Variants in CHST9 observed in about 807,000 individuals in gnomAD.
CHST9 encodes the protein GalNAc-4-sulfotransferase 2.
Under a neutral mutation model 44.4 loss-of-function variants are expected in CHST9, and 41 were observed. That is an observed-to-expected ratio of 0.92 (90% CI 0.72 to 1.20). The LOEUF (loss-of-function observed/expected upper bound fraction) is 1.20, where lower values mean the gene tolerates loss of function less well. Among genes scored for constraint, CHST9 ranks in the 50% most tolerant of loss-of-function variants. The pLI is 0.00. For missense variants in CHST9, 504 were observed against 516.5 expected (o/e 0.98, Z 0.23); for synonymous variants, 171 against 178.4 (o/e 0.96, Z 0.33).
At chr18:27,007,020 G>A (rs558573124) in intron 4 of CHST9, among the ~76,000 whole-genome samples, 30 of 152,250 alleles carry the variant, frequency 2.0e-4, no homozygotes, top group Middle Eastern at 3.4e-3. Context: ...TGGGCATTCC[G>A]TGGAGCTTAC....
At chr18:27,149,715 C>T (rs1363297424) in intron 1 of CHST9, among the ~76,000 whole-genome samples, 4 of 151,418 alleles carry the variant, frequency 2.6e-5, no homozygotes, top group African/African-American at 9.7e-5. Flanking sequence ...TAAAACATTC[C>T]TTTTTTCTTA....
At chr18:27,036,216 A>G (rs2057389203) in intron 3 of CHST9, among the ~76,000 whole-genome samples, 1 of 152,198 alleles carries the variant, frequency 6.6e-6, no homozygotes, top group Non-Finnish European at 1.5e-5. Context: ...CCGATGGGAC[A>G]TGGAAGAAGC....
chr18:26,941,979 T>C (rs933446886), intron 5 of CHST9, among the ~76,000 whole-genome samples: 9 of 152,172 alleles, frequency 5.9e-5, no homozygotes, highest in African/African-American at 2.2e-4. Flanking sequence ...AAAGACTCGA[T>C]TTTCAATTTC....
chr18:27,162,981 T>C (rs2058760319), intron 1 of CHST9, among the ~76,000 whole-genome samples: 2 of 152,150 alleles, frequency 1.3e-5, no homozygotes, highest in South Asian at 4.1e-4. Context: ...GACGTACAGA[T>C]GGGGTTTTGG....
chr18:26,964,142 C>T (rs28647464), intron 4 of CHST9, among the ~76,000 whole-genome samples: 44,033 of 152,038 alleles, frequency 0.29, 7,495 homozygotes, highest in African/African-American at 0.48. Flanking sequence ...CATTTATTAA[C>T]GTTCTAATGC....
chr18:26,975,118 A>G (rs1193346071), intron 4 of CHST9, among the ~76,000 whole-genome samples: 2 of 152,016 alleles, frequency 1.3e-5, no homozygotes, highest in Non-Finnish European at 2.9e-5. Flanking sequence ...TGCTAACCTT[A>G]CTTTGTTGTT....
chr18:27,128,828 A>C (rs2143829763), intron 2 of CHST9, among the ~76,000 whole-genome samples: 1 of 152,322 alleles, frequency 6.6e-6, no homozygotes, highest in East Asian at 1.9e-4. Flanking sequence ...AATGCTCACA[A>C]ATGGACCTAG....
intron 2 of CHST9, among the ~76,000 whole-genome samples, chr18:27,097,292 T>G (rs1016446926): frequency 6.6e-6 from 1 of 152,134 alleles, no homozygotes; most frequent in African/African-American, 2.4e-5. Context: ...AGCATCATAC[T>G]GAATGTGCAA....
intron 2 of CHST9, among the ~76,000 whole-genome samples, chr18:27,122,762 G>A (rs759810321): frequency 4.6e-5 from 7 of 152,184 alleles, no homozygotes; most frequent in Non-Finnish European, 8.8e-5. Flanking sequence ...TACTAAAAAT[G>A]TGCAGGAGTG....
At chr18:27,166,730 T>A (rs1296866126) in intron 1 of CHST9, among the ~76,000 whole-genome samples, 1 of 152,180 alleles carries the variant, frequency 6.6e-6, no homozygotes, top group East Asian at 1.9e-4. Context: ...GAGGAAAAAA[T>A]TTTCCCTCTA....
intron 4 of CHST9, among the ~76,000 whole-genome samples, chr18:26,958,455 C>A (rs2056356149): frequency 7.0e-6 from 1 of 142,258 alleles, no homozygotes; most frequent in African/African-American, 2.9e-5. Flanking sequence ...TCAAAAGTAA[C>A]TGCAAAAAAA....
chr18:26,963,760 T>A (rs1167552270), intron 4 of CHST9, among the ~76,000 whole-genome samples: 2 of 152,242 alleles, frequency 1.3e-5, no homozygotes, highest in East Asian at 3.9e-4. Flanking sequence ...CAATTCAATT[T>A]CCTTAGCATC....
At chr18:26,938,937 G>A (rs1387184699) in intron 5 of CHST9, among the ~76,000 whole-genome samples, 1 of 152,160 alleles carries the variant, frequency 6.6e-6, no homozygotes, top group Non-Finnish European at 1.5e-5. Flanking sequence ...TGTATAGGGA[G>A]TAGACTCTAA....
In CHST9 at chr18:27,019,608, C is replaced by A. The variant is rs557032846; in HGVS notation, c.202+4508G>T. 2.9e-4 allele frequency among the ~76,000 whole-genome samples: 41 copies of A among 142,694 alleles called. No individual in the cohort carries two copies. The South Asian group carries it at 6.1e-3, about 21-fold the overall frequency. The allele number at this position is 142,694 out of a possible 152,430, so 93.6% of individuals were successfully genotyped here. ...TTGAACTATATCGAGATCTCCAAAT[C>A]GGAGATGCTAGTCTGGGTTATATTC... On this transcript the variant is annotated intron_variant, in intron 4 of 5. Coordinates refer to ENST00000618847, the MANE Select transcript of CHST9 (RefSeq NM_031422.6).
intron 5 of CHST9, among the ~76,000 whole-genome samples, chr18:26,919,384 C>T (rs1252607442): frequency 6.6e-6 from 1 of 152,130 alleles, no homozygotes; most frequent in Non-Finnish European, 1.5e-5. Context: ...ATTTGTAGTA[C>T]ATAAAGTTGT....
intron 2 of CHST9, among the ~76,000 whole-genome samples, chr18:27,127,588 A>C (rs9958569): frequency 2.0e-5 from 3 of 152,026 alleles, no homozygotes; most frequent in African/African-American, 7.2e-5. Flanking sequence ...AGGAGGGAAG[A>C]AATAAATTGG....
At chr18:26,978,933 A>G (rs1268940467) in intron 4 of CHST9, among the ~76,000 whole-genome samples, 1 of 152,174 alleles carries the variant, frequency 6.6e-6, no homozygotes, top group Non-Finnish European at 1.5e-5. Context: ...ACCTTAGCCA[A>G]TAAGAATTTT....
chr18:26,991,960 A>G (rs951504845), intron 4 of CHST9, among the ~76,000 whole-genome samples: 1 of 128,106 alleles, frequency 7.8e-6, no homozygotes, highest in African/African-American at 2.6e-5. Context: ...GTTGTGAGGG[A>G]AAGTAGGGTT....
At chr18:26,953,465 A>T (rs544409670) in intron 4 of CHST9, among the ~76,000 whole-genome samples, 17 of 152,028 alleles carry the variant, frequency 1.1e-4, no homozygotes, top group Non-Finnish European at 2.4e-4. Context: ...CTGGTAAATA[A>T]ATTGCTCAGA....
Sources: gnomAD v4.1 joint callset for allele counts (sites outside exome capture counted in the v4.1 genomes callset) on GRCh38, gnomAD v4.1.1 for gene constraint, MANE v1.5 for transcripts, NCBI Gene and HGNC (gene_info 2026-07-23, HGNC 2026-07-21) for gene names.